The following CAPN5 variants were observed in gnomAD, a reference collection of about 807,000 sequenced individuals.
CAPN5 encodes the protein calpain 5.
In CAPN5, 54 loss-of-function variants were observed where a neutral mutation model predicts 73.0. That is an observed-to-expected ratio of 0.74 (90% confidence interval 0.59 to 0.93). The LOEUF is 0.93. CAPN5 is among the 40% of genes least tolerant of loss of function. The pLI, the probability that CAPN5 is intolerant of heterozygous loss-of-function variation, is 0.00. For synonymous variants in CAPN5, 335 were observed against 356.9 expected, an observed-to-expected ratio of 0.94 and a Z score of 0.69; for missense variants, 785 against 882.9, an observed-to-expected ratio of 0.89 and a Z score of 1.41.
chr11:77,104,696 C>G (rs928478681), intron 3 of CAPN5, among the ~76,000 whole-genome samples: 5 of 152,264 alleles, frequency 3.3e-5, no homozygotes, highest in Admixed American at 2.0e-4. Flanking sequence ...CCCCAGCACC[C>G]TGACTTAAGG....
At chr11:77,102,741 G>C in intron 3 of CAPN5, 1 of 1,371,716 alleles carries the variant, frequency 7.3e-7, no homozygotes, top group South Asian at 1.5e-5. Flanking sequence ...GGGAAGGGCA[G>C]AAAGTAGGTG....
chr11:77,067,632 CGTGTGTGTGT>C lies in CAPN5; in HGVS notation c.-36+567_-36+576del, dbSNP rs71043542. ...TCTCCTTGACTGCAGGGCGGGCGCA[CGTGTGTGTGT>C]GTGTGTGTGTGTGTGTGTGTGTGTG... On this transcript the variant is annotated intron_variant, in intron 1 of 12. Transcript: ENST00000648180. Among the ~76,000 whole-genome samples the C allele has an allele frequency of 1.0e-2, 1,262 of 126,734 alleles. 15 individuals are homozygous for C. Among genetic ancestry groups the C allele is most frequent in the African/African-American group, 0.038 (1,184 of 31,382 alleles). 83.1% of individuals were successfully genotyped at this position (126,734 alleles called of 152,430 possible). A position where few individuals can be genotyped will look rare whatever the true frequency, so the allele number is the denominator to read the frequency against.
intron 2 of CAPN5, among the ~76,000 whole-genome samples, chr11:77,085,296 C>T (rs1950074306): frequency 6.6e-6 from 1 of 152,142 alleles, no homozygotes; most frequent in South Asian, 2.1e-4. Flanking sequence ...GCCTCCACTT[C>T]CTCACAGGAA....
intron 3 of CAPN5, among the ~76,000 whole-genome samples, chr11:77,110,912 G>T (rs1188162022): frequency 6.6e-6 from 1 of 152,122 alleles, no homozygotes; most frequent in Non-Finnish European, 1.5e-5. Flanking sequence ...CCTCCGCCTG[G>T]GTGCCCCCCA....
intron 1 of CAPN5, among the ~76,000 whole-genome samples, chr11:77,078,192 T>C (rs1330898007): frequency 2.0e-5 from 3 of 152,226 alleles, no homozygotes; most frequent in Admixed American, 1.3e-4. Flanking sequence ...AGTTTCATAA[T>C]TTCAGGTCTT....
chr11:77,067,751 C>T (rs1420943603), intron 1 of CAPN5, among the ~76,000 whole-genome samples: 2 of 150,696 alleles, frequency 1.3e-5, no homozygotes, highest in African/African-American at 4.9e-5. Flanking sequence ...TGTTCCTTTG[C>T]GTTGGGGGTC....
intron 2 of CAPN5, among the ~76,000 whole-genome samples, chr11:77,092,749 A>G (rs1314694130): frequency 2.0e-5 from 3 of 152,218 alleles, no homozygotes; most frequent in Non-Finnish European, 4.4e-5. Context: ...GGCCGAGGCC[A>G]GCAGATCAGG....
chr11:77,100,461 G>GC (rs1278600077), intron 3 of CAPN5, among the ~76,000 whole-genome samples: 3 of 151,288 alleles, frequency 2.0e-5, no homozygotes, highest in Non-Finnish European at 4.4e-5. Flanking sequence ...CGTCACAACT[G>GC]CCCCCCACCT....
Position 77,124,155 on chromosome 11 carries a change from T to C in CAPN5, c.*285T>C, listed in dbSNP as rs1452985090. On this transcript the variant is annotated 3_prime_UTR_variant, in exon 13 of 13. Coordinates refer to ENST00000648180, the MANE Select transcript of CAPN5 (RefSeq NM_004055.5). ...ACTCTATCCATTGAGCACATTTTCC[T>C]AAGGCCCTGCTGTCTGCCGAGGAGC... 4.8e-6 allele frequency: 2 copies of C among 419,710 alleles called. No individual in the cohort carries two copies. The highest frequency in any genetic ancestry group is 4.3e-6 in the Non-Finnish European group (1 of 233,814). 26.0% of individuals were successfully genotyped at this position (419,710 alleles called of 1,614,324 possible). A position where few individuals can be genotyped will look rare whatever the true frequency, so the allele number is the denominator to read the frequency against.
chr11:77,085,183 A>G, intron 2 of CAPN5, 132 bp downstream of exon 2: 1 of 746,720 alleles, frequency 1.3e-6, no homozygotes. Flanking sequence ...GAGGGTGCTG[A>G]AACGGTGGGA....
At chr11:77,089,607 G>A (rs782093807) in intron 2 of CAPN5, among the ~76,000 whole-genome samples, 2 of 152,228 alleles carry the variant, frequency 1.3e-5, no homozygotes, top group African/African-American at 2.4e-5. Flanking sequence ...AGCTGGGTTA[G>A]GACAGGTGCA....
At chr11:77,075,328 G>C (rs1326900543) in intron 1 of CAPN5, among the ~76,000 whole-genome samples, 1 of 152,192 alleles carries the variant, frequency 6.6e-6, no homozygotes, top group Admixed American at 6.5e-5. Context: ...GTGTGTGCTT[G>C]GTTGGGGTGT....
rs782187716 is a variant in CAPN5 at position 77,115,556 on chromosome 11, C to T, written c.861C>T (p.Gly287=). ...TGATCCGCCTGCGCAACCCCTGGGG[C>T]GAGCGGGAGTGGAACGGGCCCTGGA... ...LDMIRLRNPW[G]EREWNGPWSD... is the part of the protein sequence containing the mutation. Residue 287 remains glycine (G), a synonymous_variant, in exon 6 of 13, where the codon GGC becomes GGT. Transcript: ENST00000648180. The T allele has an allele frequency of 9.3e-6, 15 of 1,612,330 alleles. No homozygotes were observed. The highest frequency in any genetic ancestry group is 8.9e-5 in the East Asian group (4 of 44,890).
intron 3 of CAPN5, chr11:77,102,854 G>T (rs1950300638): frequency 6.3e-7 from 1 of 1,596,332 alleles, no homozygotes; most frequent in Non-Finnish European, 8.5e-7. Flanking sequence ...CGGAGGACAG[G>T]CCGCAGCAGC....
rs782714369 is a variant in CAPN5, at chr11:77,118,310, C to T, written c.1125C>T (p.Gly375=). 14 of 1,608,668 alleles carry T rather than the reference C, an allele frequency of 8.7e-6. No homozygotes were observed. Among genetic ancestry groups the T allele is most frequent in the East Asian group, 2.2e-5 (1 of 44,688 alleles). Reference sequence around the variant, plus strand: ...AGGACCCGCGACAGAACCGCGGTGGCGGCTGCATCAACCACAAGGACACCT... The same window carrying T: ...AGGACCCGCGACAGAACCGCGGTGGTGGCTGCATCAACCACAAGGACACCT... ...LHEDPRQNRG[G]GCINHKDTFF... The change falls in exon 8 of 13, where the codon GGC becomes GGT. Residue 375 remains glycine, a synonymous_variant. Transcript: ENST00000648180.
At chr11:77,089,169 T>A (rs2135429872) in intron 2 of CAPN5, among the ~76,000 whole-genome samples, 1 of 152,236 alleles carries the variant, frequency 6.6e-6, no homozygotes, top group East Asian at 1.9e-4. Flanking sequence ...TGGACAGGGA[T>A]GGAAGGGAGC....
intron 2 of CAPN5, chr11:77,087,904 C>T (rs940781936): frequency 4.6e-6 from 7 of 1,535,744 alleles, no homozygotes; most frequent in Non-Finnish European, 1.7e-6. Context: ...AGCCCACACC[C>T]TTCACCCACA....
At chr11:77,085,179 G>T in intron 2 of CAPN5, 128 bp downstream of exon 2, 1 of 771,272 alleles carries the variant, frequency 1.3e-6, no homozygotes, top group South Asian at 1.6e-5. Context: ...AAGTGAGGGT[G>T]CTGAAACGGT....
At chr11:77,105,177 G>A (rs542137071) in intron 3 of CAPN5, among the ~76,000 whole-genome samples, 25 of 151,742 alleles carry the variant, frequency 1.6e-4, no homozygotes, top group African/African-American at 6.0e-4. Context: ...TGTGCCCGCT[G>A]CAGGTCCCCA....
Sources: gnomAD v4.1 joint callset for allele counts (sites outside exome capture counted in the v4.1 genomes callset) on GRCh38, gnomAD v4.1.1 for gene constraint, MANE v1.5 for transcripts, NCBI Gene and HGNC (gene_info 2026-07-23, HGNC 2026-07-21) for gene names.